STXBP5L: variants seen among roughly 807,000 people sequenced by gnomAD.
The protein encoded by STXBP5L is syntaxin-binding protein 5-like.
In STXBP5L, 65 loss-of-function variants were observed where a neutral mutation model predicts 144.5. The ratio of observed to expected loss-of-function variants is 0.45; its 90% confidence interval spans 0.37 to 0.55. STXBP5L has a LOEUF of 0.55. Among genes scored for constraint, STXBP5L ranks in the 20% least tolerant of loss-of-function variants. STXBP5L has a pLI of 0.00. For missense variants in STXBP5L, 1,298 were observed against 1,405.5 expected (o/e 0.92, Z 1.22); for synonymous variants, 505 against 469.6 (o/e 1.08, Z -0.97).
At chr3:121,400,998 C>A (rs1375687872) in intron 22 of STXBP5L, among the ~76,000 whole-genome samples, 1 of 151,980 alleles carries the variant, frequency 6.6e-6, no homozygotes, top group Non-Finnish European at 1.5e-5. Flanking sequence ...TAATTTGCAA[C>A]CTTCAATGGT....
intron 22 of STXBP5L, among the ~76,000 whole-genome samples, chr3:121,401,007 G>T (rs888991074): frequency 9.2e-5 from 14 of 151,904 alleles, no homozygotes; most frequent in Non-Finnish European, 1.5e-5. Context: ...ACCTTCAATG[G>T]TACCTCTTCT....
chr3:121,022,359 A>G (rs1213145525), intron 3 of STXBP5L, among the ~76,000 whole-genome samples: 1 of 152,152 alleles, frequency 6.6e-6, no homozygotes. Flanking sequence ...ATCAAATAAG[A>G]ATCTGTACCA....
At chr3:120,917,308 T>A (rs182355833) in intron 2 of STXBP5L, among the ~76,000 whole-genome samples, 16 of 152,210 alleles carry the variant, frequency 1.1e-4, no homozygotes, top group Non-Finnish European at 1.8e-4. Flanking sequence ...GTCAACAATA[T>A]AATAGAGAAT....
Position 120,959,073 on chromosome 3 carries a change from C to A in STXBP5L, c.287+4036C>A, listed in dbSNP as rs527376259. The stretch of plus-strand genomic sequence containing the variant: ...TCAGCAAAGTCTCAGGATACAAAAT[C>A]AATGTGCAAAAATCACAAGCATTCT... On this transcript the variant is annotated intron_variant, in intron 3 of 26. Coordinates refer to ENST00000471454, the MANE Select transcript of STXBP5L (RefSeq NM_001308330.2). Among the ~76,000 whole-genome samples the A allele has an allele frequency of 9.2e-5, 14 of 152,250 alleles. No homozygotes were observed. In the South Asian group the frequency reaches 1.2e-3, roughly 14 times the overall value.
At chr3:121,119,222 A>G (rs2331525) in intron 6 of STXBP5L, among the ~76,000 whole-genome samples, 77,186 of 151,084 alleles carry the variant, frequency 0.51, 20,184 homozygotes, top group Admixed American at 0.6. Flanking sequence ...TCCTAGTCTA[A>G]CATTCCTGTA....
chr3:121,313,200 C>T (rs1426015694), intron 19 of STXBP5L, among the ~76,000 whole-genome samples: 3 of 139,976 alleles, frequency 2.1e-5, no homozygotes, highest in South Asian at 2.3e-4. Flanking sequence ...GACGGGGCGG[C>T]CGGCCGGAAG....
intron 3 of STXBP5L, among the ~76,000 whole-genome samples, chr3:120,978,639 A>C (rs1032930806): frequency 1.1e-4 from 17 of 150,182 alleles, no homozygotes. Flanking sequence ...TAGAGTTTCC[A>C]GTTTTTCTGC....
intron 19 of STXBP5L, among the ~76,000 whole-genome samples, chr3:121,317,634 A>G (rs1209795427): frequency 6.6e-6 from 1 of 152,224 alleles, no homozygotes; most frequent in Admixed American, 6.5e-5. Flanking sequence ...AAAGTCTGTG[A>G]GACTTTCTAA....
At chr3:121,106,929 C>A (rs2043740733) in intron 5 of STXBP5L, among the ~76,000 whole-genome samples, 1 of 152,092 alleles carries the variant, frequency 6.6e-6, no homozygotes, top group African/African-American at 2.4e-5. Context: ...TTTTAATGAT[C>A]ACCATTCTGA....
chr3:121,130,155 G>A (rs1400823468), intron 7 of STXBP5L, among the ~76,000 whole-genome samples: 1 of 152,034 alleles, frequency 6.6e-6, no homozygotes, highest in Non-Finnish European at 1.5e-5. Context: ...GTACTACTTG[G>A]GATGTATGAT....
At chr3:121,042,975 C>T (rs1055360567) in intron 4 of STXBP5L, among the ~76,000 whole-genome samples, 1 of 151,492 alleles carries the variant, frequency 6.6e-6, no homozygotes, top group Admixed American at 6.6e-5. Flanking sequence ...CAGCTTTTTG[C>T]CTTCTGCATG....
At chr3:121,348,814 CATTATTT>C (rs1381327480) in intron 20 of STXBP5L, among the ~76,000 whole-genome samples, 1 of 151,966 alleles carries the variant, frequency 6.6e-6, no homozygotes, top group Non-Finnish European at 1.5e-5. Flanking sequence ...TCCCCTTTAT[CATTATTT>C]ATTGCATCTA....
In STXBP5L at chr3:121,227,837, C is replaced by T. The variant is rs59996928; in HGVS notation, c.1111+4680C>T. On this transcript the variant is annotated intron_variant, in intron 11 of 26. Coordinates refer to ENST00000471454, the MANE Select transcript of STXBP5L (RefSeq NM_001308330.2). ...ACAATTTTACACTTTTTAATAAAGCCACAAATATAACTTAAGGGAAGTTAA... is the reference window on the plus strand; with the variant it reads ...ACAATTTTACACTTTTTAATAAAGCTACAAATATAACTTAAGGGAAGTTAA... Among the ~76,000 whole-genome samples the T allele has an allele frequency of 2.5e-3, 380 of 152,130 alleles. 2 individuals are homozygous for T. Among genetic ancestry groups the T allele is most frequent in the African/African-American group, 8.6e-3 (357 of 41,512 alleles).
At chr3:121,040,155 G>T (rs1174075424) in intron 3 of STXBP5L, among the ~76,000 whole-genome samples, 1 of 151,844 alleles carries the variant, frequency 6.6e-6, no homozygotes, top group Non-Finnish European at 1.5e-5. Context: ...TTACTTCTCT[G>T]CAGTGAATGC....
chr3:121,096,291 G>A (rs755500689), intron 5 of STXBP5L, among the ~76,000 whole-genome samples: 13 of 152,036 alleles, frequency 8.6e-5, no homozygotes, highest in Non-Finnish European at 1.9e-4. Context: ...GCTTGCATTG[G>A]GTTAGAATAT....
chr3:121,077,412 G>C (rs1220543442), intron 5 of STXBP5L, among the ~76,000 whole-genome samples: 1 of 152,128 alleles, frequency 6.6e-6, no homozygotes, highest in African/African-American at 2.4e-5. Flanking sequence ...GATGTGTTCG[G>C]AGTTTCTTCC....
At chr3:121,269,139 G>GA (rs888934608) in intron 18 of STXBP5L, among the ~76,000 whole-genome samples, 2 of 151,880 alleles carry the variant, frequency 1.3e-5, no homozygotes, top group African/African-American at 4.8e-5. Context: ...ATTAAGGGGG[G>GA]AAAAAAGCAT....
chr3:121,074,308 G>A (rs2041931458), intron 5 of STXBP5L, among the ~76,000 whole-genome samples: 1 of 152,170 alleles, frequency 6.6e-6, no homozygotes, highest in African/African-American at 2.4e-5. Flanking sequence ...TATGGGTTGG[G>A]CACAATGGCA....
intron 9 of STXBP5L, among the ~76,000 whole-genome samples, chr3:121,192,350 T>C (rs1363052858): frequency 6.6e-6 from 1 of 152,218 alleles, no homozygotes; most frequent in Non-Finnish European, 1.5e-5. Flanking sequence ...GAACATTCCA[T>C]GCTCATGGAT....
Sources: allele counts gnomAD v4.1 joint callset (sites outside exome capture counted in the v4.1 genomes callset), GRCh38; gene constraint gnomAD v4.1.1; transcripts MANE v1.5; gene names NCBI Gene and HGNC (gene_info 2026-07-23, HGNC 2026-07-21).